Variants in ATP8B2 observed in about 807,000 individuals in gnomAD.
ATP8B2 encodes the protein phospholipid-transporting ATPase ID.
In ATP8B2, 70 loss-of-function variants were observed where a neutral mutation model predicts 133.4. The ratio of observed to expected loss-of-function variants is 0.52; its 90% confidence interval spans 0.43 to 0.64. The LOEUF is 0.64. ATP8B2 is among the 30% of genes least tolerant of loss of function. The pLI is 0.00. For synonymous variants in ATP8B2, 517 were observed against 589.5 expected (o/e 0.88, Z 1.78); for missense variants, 1,101 against 1,535.7 (o/e 0.72, Z 4.73).
intron 12 of ATP8B2, chr1:154,337,858 C>T: frequency 1.0e-6 from 1 of 974,906 alleles, no homozygotes; most frequent in Non-Finnish European, 1.4e-6. Context: ...GGATCTCCTT[C>T]CTTCTAGGAG....
chr1:154,333,452 C>T (rs1453793798), intron 9 of ATP8B2, among the ~76,000 whole-genome samples: 1 of 149,270 alleles, frequency 6.7e-6, no homozygotes, highest in East Asian at 2.0e-4. Context: ...TGCAGTGAGC[C>T]GAGATCGGGC....
intron 11 of ATP8B2, among the ~76,000 whole-genome samples, chr1:154,335,894 C>T (rs902524646): frequency 6.6e-6 from 1 of 152,016 alleles, no homozygotes; most frequent in African/African-American, 2.4e-5. Context: ...AAAAAAATAG[C>T]TGGGCGTGGT....
chr1:154,346,831 T>C lies in ATP8B2; in HGVS notation c.3163+73T>C. 2.7e-6 allele frequency: 4 copies of C among 1,494,802 alleles called. No individual in the cohort carries two copies. Among genetic ancestry groups the C allele is most frequent in the Non-Finnish European group, 3.7e-6 (4 of 1,092,770 alleles). 92.6% of individuals were successfully genotyped at this position (1,494,802 alleles called of 1,614,324 possible). ...TGGGACTAACAGGACCATCAGCTAA[T>C]CTGCACATTCAACATTTCTTATGTG... On this transcript the variant is annotated intron_variant, in intron 26 of 27. Coordinates refer to ENST00000368489, the MANE Select transcript of ATP8B2 (RefSeq NM_001370597.1). This position sits in a 1 kb window ranked among gnomAD's most constrained non-coding sequence, Gnocchi z 4.5.
intron 26 of ATP8B2, among the ~76,000 whole-genome samples, chr1:154,347,038 C>T (rs1446101374): frequency 5.9e-5 from 9 of 152,096 alleles, no homozygotes; most frequent in African/African-American, 1.7e-4. Flanking sequence ...TACAGGCACA[C>T]GCCACCAAGC....
Position 154,343,612 on chromosome 1 carries a change from T to C in ATP8B2, c.1758+44T>C. On this transcript the variant is annotated intron_variant, in intron 17 of 27. Coordinates refer to ENST00000368489, the MANE Select transcript of ATP8B2 (RefSeq NM_001370597.1). The surrounding 1 kb of genome is among the most constrained non-coding windows in gnomAD (Gnocchi z 5.8). ...GGGGCCAGCCTGGGGGGTTCTACTC[T>C]TAGTGTGGGGGAGGCGACTTAAGTT... 1 of 1,568,220 alleles carries C rather than the reference T, an allele frequency of 6.4e-7. No homozygotes were observed. The highest frequency in any genetic ancestry group is 8.8e-7 in the Non-Finnish European group (1 of 1,139,462).
In ATP8B2 at chr1:154,349,313, T is replaced by G; in HGVS notation, c.*195T>G. The G allele has an allele frequency of 1.2e-6, 1 of 801,394 alleles. No individual in the cohort carries two copies. Among genetic ancestry groups the G allele is most frequent in the Non-Finnish European group, 1.9e-6 (1 of 521,976 alleles). The allele number at this position is 801,394 out of a possible 1,614,324, so 49.6% of individuals were successfully genotyped here. A position where few individuals can be genotyped will look rare whatever the true frequency, so the allele number is the denominator to read the frequency against. ...TAGGCCCTTCCACCAGCTGGGGAGC[T>G]AGAGGGAGCAGGCCCAAGGGCAGAG... On this transcript the variant is annotated 3_prime_UTR_variant, in exon 28 of 28. Coordinates refer to ENST00000368489, the MANE Select transcript of ATP8B2 (RefSeq NM_001370597.1).
intron 13 of ATP8B2, chr1:154,341,482 G>A (rs1283915350): frequency 1.9e-5 from 5 of 267,518 alleles, no homozygotes; most frequent in South Asian, 3.8e-5. Flanking sequence ...ACAGAATGAG[G>A]CCCTGTCTCT....
At position 154,343,051 on chromosome 1, in the gene ATP8B2, T is replaced by C. The variant is rs185130348; in HGVS notation, c.1454-62T>C. The C allele has an allele frequency of 8.8e-5, 141 of 1,595,494 alleles. No homozygotes were observed. The African/African-American group carries it at 1.4e-3, about 16-fold the overall frequency. ...GCAATGCGGCTGGGCTGGGGCTTCC[T>C]GGGCGGGGCACGTGGCTGAGGGAAG... On this transcript the variant is annotated intron_variant, in intron 15 of 27. Coordinates refer to ENST00000368489, the MANE Select transcript of ATP8B2 (RefSeq NM_001370597.1). The surrounding 1 kb of genome is among the most constrained non-coding windows in gnomAD (Gnocchi z 5.8).
In ATP8B2 at chr1:154,337,438, C is replaced by T. The variant is rs1262018176; in HGVS notation, c.928C>T (p.Leu310=). 3.7e-6 allele frequency: 6 copies of T among 1,614,058 alleles called. No homozygotes were observed. The highest frequency in any genetic ancestry group is 3.4e-6 in the Non-Finnish European group (4 of 1,180,052). ...HEVGMRFQVY[L]PWDEAVDSAF... ...GGTGGGGATGCGTTTCCAGGTCTAC[C>T]TGCCGTGGGATGAGGCAGTGGACAG... is the stretch of plus-strand genomic sequence containing the variant. The change falls in exon 12 of 28, where the codon CTG becomes TTG. Residue 310 remains leucine (L), a synonymous_variant. Transcript: ENST00000368489.
chr1:154,345,724 G>T lies in ATP8B2; in HGVS notation c.2695-76G>T. ...AAATTTCTTAGGGTTCTCTGTATGT[G>T]ACATCAGCTGTCTTCCTGTGCCTGA... is the stretch of plus-strand genomic sequence containing the variant. On this transcript the variant is annotated intron_variant, in intron 23 of 27. Coordinates refer to ENST00000368489, the MANE Select transcript of ATP8B2 (RefSeq NM_001370597.1). The surrounding 1 kb of genome is among the most constrained non-coding windows in gnomAD (Gnocchi z 5.6). 1.4e-6 allele frequency: 2 copies of T among 1,411,422 alleles called. No individual in the cohort carries two copies. The highest frequency in any genetic ancestry group is 1.2e-5 in the South Asian group (1 of 85,846). 87.4% of individuals were successfully genotyped at this position (1,411,422 alleles called of 1,614,324 possible). A position where few individuals can be genotyped will look rare whatever the true frequency, so the allele number is the denominator to read the frequency against.
Position 154,334,496 on chromosome 1 carries a change from T to C in ATP8B2, c.749-7T>C. The C allele has an allele frequency of 6.2e-7, 1 of 1,614,090 alleles. No homozygotes were observed. Among genetic ancestry groups the C allele is most frequent in the Non-Finnish European group, 8.5e-7 (1 of 1,179,976 alleles). On this transcript the variant is annotated splice_region_variant and splice_polypyrimidine_tract_variant and intron_variant, in intron 10 of 27. Transcript: ENST00000368489. This position sits in a 1 kb window ranked among gnomAD's most constrained non-coding sequence, Gnocchi z 4.6. ...TGGCTTTCCCAGCCCTTCCCATTCT[T>C]TTCCAGGTCCCGACACTAAGCTGAT...
In ATP8B2 at chr1:154,328,421, A is replaced by T. The variant is rs1481283419; in HGVS notation, c.31+249A>T. ...AACACCTGCAGTCTTATCTTCGGGCACCTGCAGCTCCTGCTTTCTGGCCTA... is the reference window on the plus strand; with the variant it reads ...AACACCTGCAGTCTTATCTTCGGGCTCCTGCAGCTCCTGCTTTCTGGCCTA... On this transcript the variant is annotated intron_variant, in intron 2 of 27. Coordinates refer to ENST00000368489, the MANE Select transcript of ATP8B2 (RefSeq NM_001370597.1). This position sits in a 1 kb window ranked among gnomAD's most constrained non-coding sequence, Gnocchi z 4.6. 2.0e-5 allele frequency among the ~76,000 whole-genome samples: 3 copies of T among 152,116 alleles called. No individual in the cohort carries two copies. The highest frequency in any genetic ancestry group is 7.2e-5 in the African/African-American group (3 of 41,414).
At chr1:154,341,857 G>T (rs1370552877) in intron 13 of ATP8B2, 1 of 153,698 alleles carries the variant, frequency 6.5e-6, no homozygotes, top group African/African-American at 2.4e-5. Context: ...CCTGACCCTG[G>T]TCTCAGCTCC....
In ATP8B2 at chr1:154,343,982, C is replaced by T; in HGVS notation, c.1848C>T (p.Leu616=). The change falls in exon 18 of 28, where the codon CTC becomes CTT. Residue 616 remains leucine (L), a synonymous_variant. Transcript: ENST00000368489. The surrounding 1 kb of genome is among the most constrained non-coding windows in gnomAD (Gnocchi z 5.8). The stretch of plus-strand genomic sequence containing the variant: ...ACGAGGAGTGGGCTGAGCGACGCCT[C>T]CAGGCCAGCCTGGCCCAGGACAGCC... ...EYYEEWAERR[L]QASLAQDSRE... The T allele has an allele frequency of 2.5e-6, 4 of 1,613,972 alleles. No homozygotes were observed. The highest frequency in any genetic ancestry group is 3.4e-6 in the Non-Finnish European group (4 of 1,179,946).
Position 154,344,920 on chromosome 1 carries a change from C to T in ATP8B2, c.2287-51C>T. ...AAGGGGACTGGGAGGAGCTGAGACT[C>T]CCAGGTGTCTCCTGGAAAGACTGGC... On this transcript the variant is annotated intron_variant, in intron 21 of 27. Transcript: ENST00000368489. The surrounding 1 kb of genome is among the most constrained non-coding windows in gnomAD (Gnocchi z 4.1). 1.3e-6 allele frequency: 2 copies of T among 1,570,320 alleles called. 1 individual carries two copies. Among genetic ancestry groups the T allele is most frequent in the South Asian group, 2.4e-5 (2 of 84,858 alleles).
chr1:154,348,318 T>G, intron 26 of ATP8B2, 90 bp from the exon 27 acceptor site: 1 of 1,418,614 alleles, frequency 7.0e-7, no homozygotes, highest in Non-Finnish European at 9.5e-7. Context: ...GACTTAGGCT[T>G]TGAGAGTAGG....
At position 154,346,885 on chromosome 1, in the gene ATP8B2, A is replaced by ATTTG; in HGVS notation, c.3163+130_3163+131insGTTT. 1 of 1,145,176 alleles carries ATTTG rather than the reference A, an allele frequency of 8.7e-7. No individual in the cohort carries two copies. Among genetic ancestry groups the ATTTG allele is most frequent in the East Asian group, 2.9e-5 (1 of 34,054 alleles). The allele number at this position is 1,145,176 out of a possible 1,614,324, so 70.9% of individuals were successfully genotyped here. A position where few individuals can be genotyped will look rare whatever the true frequency, so the allele number is the denominator to read the frequency against. On this transcript the variant is annotated intron_variant, in intron 26 of 27. Coordinates refer to ENST00000368489, the MANE Select transcript of ATP8B2 (RefSeq NM_001370597.1). This position sits in a 1 kb window ranked among gnomAD's most constrained non-coding sequence, Gnocchi z 4.5. ...AGTATTCTGTTTATTTTATTTATTTATTTATTTATTTTCGAGAAGGAGTCT... is the reference window on the plus strand; with the variant it reads ...AGTATTCTGTTTATTTTATTTATTTATTTGTTTATTTATTTTCGAGAAGGAGTCT...
intron 26 of ATP8B2, among the ~76,000 whole-genome samples, chr1:154,348,165 G>C (rs1340074793): frequency 1.3e-5 from 2 of 152,190 alleles, no homozygotes; most frequent in Non-Finnish European, 2.9e-5. Context: ...CAATAGTTGA[G>C]TTTGGGCCAC....
At position 154,340,852 on chromosome 1, in the gene ATP8B2, A is replaced by G; in HGVS notation, c.1035-2A>G. ...AAGCCTCACCTCTTGTCCCCTGTGC[A>G]GTGTGGAGGTCATCCGTCTGGGCCA... is the stretch of plus-strand genomic sequence containing the variant. On this transcript the variant is annotated splice_acceptor_variant, in intron 12 of 27. Transcript: ENST00000368489. LOFTEE classifies it high-confidence loss of function. This position sits in a 1 kb window ranked among gnomAD's most constrained non-coding sequence, Gnocchi z 4.0. 1.2e-6 allele frequency: 2 copies of G among 1,614,106 alleles called. No homozygotes were observed. Among genetic ancestry groups the G allele is most frequent in the Non-Finnish European group, 1.7e-6 (2 of 1,179,996 alleles).
Sources: allele counts gnomAD v4.1 joint callset (sites outside exome capture counted in the v4.1 genomes callset), GRCh38; gene constraint gnomAD v4.1.1; non-coding constraint Gnocchi (gnomAD v3.1); transcripts MANE v1.5; gene names NCBI Gene and HGNC (gene_info 2026-07-23, HGNC 2026-07-21).